The following SPEN variants were observed in gnomAD, a reference collection of about 807,000 sequenced individuals.
SPEN encodes msx2-interacting protein.
A neutral mutation model predicts 269.9 loss-of-function variants in SPEN; 18 were observed. That is an observed-to-expected ratio of 0.07 (90% CI 0.05 to 0.10). The LOEUF (loss-of-function observed/expected upper bound fraction) is 0.10. Among genes scored for constraint, SPEN ranks in the 10% least tolerant of loss-of-function variants. The probability of loss-of-function intolerance (pLI) is 1.00; values close to 1 mark genes in which losing one functional copy is unlikely to be tolerated. For missense variants in SPEN, 3,822 were observed against 4,631.2 expected (o/e 0.83, Z 5.07); for synonymous variants, 1,726 against 1,765.7 (o/e 0.98, Z 0.56).
chr1:15,912,200 A>T (rs896373589), intron 5 of SPEN, among the ~76,000 whole-genome samples: 4 of 152,158 alleles, frequency 2.6e-5, no homozygotes, highest in Non-Finnish European at 5.9e-5. Context: ...AAATCTTCTC[A>T]CACGTGGCTT....
In SPEN at chr1:15,939,639, C is replaced by T. The variant is rs1377863231; in HGVS notation, c.*212C>T. 4 of 468,296 alleles carry T rather than the reference C, an allele frequency of 8.5e-6. No homozygotes were observed. Among genetic ancestry groups the T allele is most frequent in the Non-Finnish European group, 1.1e-5 (3 of 280,634 alleles). 29.0% of individuals were successfully genotyped at this position (468,296 alleles called of 1,614,324 possible). A position where few individuals can be genotyped will look rare whatever the true frequency, so the allele number is the denominator to read the frequency against. Reference sequence around the variant, plus strand: ...TGTATGTTTACATAATGCTTTAGCCCAAGGACACATCACCAACCCATGGAC... The same window carrying T: ...TGTATGTTTACATAATGCTTTAGCCTAAGGACACATCACCAACCCATGGAC... On this transcript the variant is annotated 3_prime_UTR_variant, in exon 15 of 15. Transcript: ENST00000375759. The surrounding 1 kb of genome is among the most constrained non-coding windows in gnomAD (Gnocchi z 4.1).
intron 3 of SPEN, among the ~76,000 whole-genome samples, chr1:15,877,353 C>T (rs886078349): frequency 1.3e-5 from 2 of 152,194 alleles, no homozygotes; most frequent in Non-Finnish European, 2.9e-5. Flanking sequence ...ACGGCAACCT[C>T]TGCCTTCTGG....
At chr1:15,851,328 A>G (rs1232551185) in intron 1 of SPEN, among the ~76,000 whole-genome samples, 1 of 152,150 alleles carries the variant, frequency 6.6e-6, no homozygotes, top group Non-Finnish European at 1.5e-5. Context: ...TACAGTTTTC[A>G]GTTTGCGGAT....
Position 15,931,091 on chromosome 1 carries a change from C to T in SPEN, c.4851C>T (p.Pro1617=), listed in dbSNP as rs200027816. The T allele has an allele frequency of 7.9e-5, 127 of 1,614,084 alleles. 2 individuals are homozygous for T. In the South Asian group the frequency reaches 1.1e-3, roughly 14 times the overall value. The change falls in exon 11 of 15, where the codon CCC becomes CCT. Residue 1617 remains proline (P), a synonymous_variant. Transcript: ENST00000375759. The surrounding 1 kb of genome is among the most constrained non-coding windows in gnomAD (Gnocchi z 4.8). ...AACAGGAAGATACAGAGAATCATCCCAAGACCCCAGAATCTGCTCCTGAGA... is the reference window on the plus strand; with the variant it reads ...AACAGGAAGATACAGAGAATCATCCTAAGACCCCAGAATCTGCTCCTGAGA... ...VEKQEDTENH[P]KTPESAPENK...
chr1:15,861,078 T>A (rs1027464303), intron 1 of SPEN, among the ~76,000 whole-genome samples: 12 of 152,034 alleles, frequency 7.9e-5, no homozygotes, highest in Middle Eastern at 3.4e-3. Context: ...CTAATTTTTT[T>A]AAAAAATTGC....
chr1:15,931,293 C>T lies in SPEN; in HGVS notation c.5053C>T (p.Pro1685Ser), dbSNP rs1425078446. 6.2e-7 allele frequency: 1 copy of T among 1,614,034 alleles called. No individual in the cohort carries two copies. Among genetic ancestry groups the T allele is most frequent in the Non-Finnish European group, 8.5e-7 (1 of 1,180,034 alleles). Residue 1685 changes from proline to serine, a missense_variant, in exon 11 of 15, where the codon CCT (proline) becomes TCT (serine). By Grantham distance (74) the Pro-to-Ser change is moderately conservative. Around this residue, in one of 16 missense-constraint regions of SPEN, gnomAD observed 533 missense variants for 618.8 expected, o/e 0.86. Coordinates refer to ENST00000375759, the MANE Select transcript of SPEN (RefSeq NM_015001.3). This position sits in a 1 kb window ranked among gnomAD's most constrained non-coding sequence, Gnocchi z 4.8. ...AGCTACCGTCTCAGAAGAAGCAAAG[C>T]CTGCATCTGAACCTGCTCCTGCCCC... ...EPATVSEEAKPASEPAPAPVE... is the reference protein window; with the variant it reads ...EPATVSEEAKSASEPAPAPVE...
chr1:15,919,154 T>C (rs538328088), intron 7 of SPEN, 103 bp downstream of exon 7: 1 of 974,856 alleles, frequency 1.0e-6, no homozygotes, highest in South Asian at 1.6e-5. Context: ...AAGATCCTAC[T>C]AAGACAGATA....
chr1:15,883,024 A>G (rs1352130335), intron 3 of SPEN, among the ~76,000 whole-genome samples: 3 of 152,240 alleles, frequency 2.0e-5, no homozygotes, highest in Non-Finnish European at 4.4e-5. Context: ...GCAATGGGTG[A>G]CAGGGTCACT....
rs766864429 is a variant in SPEN, at chr1:15,935,216, C to A, written c.8976C>A (p.Ser2992Arg). The A allele has an allele frequency of 4.3e-6, 7 of 1,614,038 alleles. No individual in the cohort carries two copies. In the Admixed American group the frequency reaches 6.7e-5, roughly 15 times the overall value. ...LTPHHPPALP[S>R]KLPTEVNHVP... is the part of the protein sequence containing the mutation. Reference sequence around the variant, plus strand: ...CCCACCACCCTCCTGCTCTGCCCAGCAAACTGCCTACAGAAGTCAACCATG... The same window carrying A: ...CCCACCACCCTCCTGCTCTGCCCAGAAAACTGCCTACAGAAGTCAACCATG... The change falls in exon 11 of 15, where the codon AGC (serine) becomes AGA (arginine). Residue 2992 changes from serine to arginine, a missense_variant. Coordinates refer to ENST00000375759, the MANE Select transcript of SPEN (RefSeq NM_015001.3). The surrounding 1 kb of genome is among the most constrained non-coding windows in gnomAD (Gnocchi z 7.7).
In SPEN at chr1:15,930,785, T is replaced by A. The variant is rs1287305249; in HGVS notation, c.4545T>A (p.His1515Gln). 6.2e-7 allele frequency: 1 copy of A among 1,614,114 alleles called. No individual in the cohort carries two copies. The highest frequency in any genetic ancestry group is 1.7e-5 in the Admixed American group (1 of 60,024). The part of the protein sequence containing the change: ...EGKMDDKKED[H>Q]KEEEQERQEL... ...AAATGGATGATAAGAAAGAGGACCA[T>A]AAAGAAGAAGAGCAAGAGAGGCAGG... The change falls in exon 11 of 15, where the codon CAT becomes CAA. Residue 1515 changes from histidine (H) to glutamine (Q), a missense_variant. This residue lies in a region of SPEN where 533 missense variants were observed against 618.8 expected (regional missense o/e 0.86). Transcript: ENST00000375759. The surrounding 1 kb of genome is among the most constrained non-coding windows in gnomAD (Gnocchi z 5.3).
At chr1:15,922,740 A>T (rs2071131555) in intron 10 of SPEN, among the ~76,000 whole-genome samples, 1 of 152,006 alleles carries the variant, frequency 6.6e-6, no homozygotes, top group Non-Finnish European at 1.5e-5. Flanking sequence ...CTCACACATC[A>T]TCTTCTTGAT....
At position 15,932,180 on chromosome 1, in the gene SPEN, A is replaced by T. The variant is rs780249672; in HGVS notation, c.5940A>T (p.Gly1980=). 1.2e-6 allele frequency: 2 copies of T among 1,612,204 alleles called. No individual in the cohort carries two copies. Among genetic ancestry groups the T allele is most frequent in the Non-Finnish European group, 1.7e-6 (2 of 1,179,440 alleles). ...EPAETLKPPE[G]WRSPRSQKTA... ...CAGAAACACTCAAGCCACCTGAGGG[A>T]TGGCGGTCGCCAAGGTCCCAGAAAA... is the stretch of plus-strand genomic sequence containing the variant. Residue 1980 remains glycine, a synonymous_variant, in exon 11 of 15, where the codon GGA becomes GGT. Coordinates refer to ENST00000375759, the MANE Select transcript of SPEN (RefSeq NM_015001.3). The surrounding 1 kb of genome is among the most constrained non-coding windows in gnomAD (Gnocchi z 4.2).
At chr1:15,938,110 T>C in intron 13 of SPEN, 104 bp downstream of exon 13, 1 of 1,052,484 alleles carries the variant, frequency 9.5e-7, no homozygotes, top group Non-Finnish European at 1.4e-6. Context: ...AAGCATTAAC[T>C]GTATTCTTGT....
rs761474459 is a variant in SPEN at position 15,931,069 on chromosome 1, A to G, written c.4829A>G (p.Gln1610Arg). The part of the protein sequence containing the change: ...KDQKPKEVEK[Q>R]EDTENHPKTP... ...CAGAAACCCAAAGAGGTTGAGAAAC[A>G]GGAAGATACAGAGAATCATCCCAAG... Residue 1610 changes from glutamine (Q) to arginine (R), a missense_variant, in exon 11 of 15, where the codon CAG (glutamine) becomes CGG (arginine). Physicochemically the swap from Gln to Arg is conservative, Grantham distance 43. Transcript: ENST00000375759. This position sits in a 1 kb window ranked among gnomAD's most constrained non-coding sequence, Gnocchi z 4.8. 2.5e-6 allele frequency: 4 copies of G among 1,613,786 alleles called. No individual in the cohort carries two copies. Among genetic ancestry groups the G allele is most frequent in the Admixed American group, 3.3e-5 (2 of 59,904 alleles).
chr1:15,930,502 G>T lies in SPEN; in HGVS notation c.4262G>T (p.Arg1421Ile), dbSNP rs750632766. 1.2e-6 allele frequency: 2 copies of T among 1,614,156 alleles called. No homozygotes were observed. Among genetic ancestry groups the T allele is most frequent in the South Asian group, 2.2e-5 (2 of 91,084 alleles). Residue 1421 changes from arginine (R) to isoleucine (I), a missense_variant, in exon 11 of 15, where the codon AGA (arginine) becomes ATA (isoleucine). By Grantham distance (97) the Arg-to-Ile change is moderately conservative. This residue lies in a region of SPEN where 267 missense variants were observed against 315.5 expected (regional missense o/e 0.85). Transcript: ENST00000375759. This position sits in a 1 kb window ranked among gnomAD's most constrained non-coding sequence, Gnocchi z 5.3. ...REDKLRERDE[R>I]LSSSLERNKF... ...GACAAGCTACGTGAGCGAGATGAAA[G>T]ACTCTCTAGTTCTTTAGAAAGGAAC...
chr1:15,908,026 T>C (rs1320734011), intron 3 of SPEN, among the ~76,000 whole-genome samples: 2 of 152,174 alleles, frequency 1.3e-5, no homozygotes, highest in East Asian at 1.9e-4. Flanking sequence ...TTCCATGTTA[T>C]CACAGTGAAG....
At chr1:15,899,334 C>A (rs551964669) in intron 3 of SPEN, among the ~76,000 whole-genome samples, 1 of 152,192 alleles carries the variant, frequency 6.6e-6, no homozygotes, top group South Asian at 2.1e-4. Context: ...ACCACCATGC[C>A]TGGCTAATCG....
chr1:15,879,399 C>G (rs921845508), intron 3 of SPEN, among the ~76,000 whole-genome samples: 1 of 151,884 alleles, frequency 6.6e-6, no homozygotes, highest in Non-Finnish European at 1.5e-5. Flanking sequence ...TAGAGGTGAT[C>G]TGATGAATTT....
At chr1:15,938,953 G>A (rs1323504182) in intron 14 of SPEN, 77 bp downstream of exon 14, 10 of 1,524,414 alleles carry the variant, frequency 6.6e-6, no homozygotes, top group Non-Finnish European at 8.9e-6. Flanking sequence ...CTACTCATCT[G>A]GTGCCCACTA....
Sources: allele counts gnomAD v4.1 joint callset (sites outside exome capture counted in the v4.1 genomes callset), GRCh38; gene constraint gnomAD v4.1.1; regional missense constraint gnomAD v4.1.1; non-coding constraint Gnocchi (gnomAD v3.1); transcripts MANE v1.5; gene names NCBI Gene and HGNC (gene_info 2026-07-23, HGNC 2026-07-21).